Variants in EXOC6B observed in about 807,000 individuals in gnomAD.
EXOC6B encodes the protein SEC15 homolog B.
Under a neutral mutation model 113.5 loss-of-function variants are expected in EXOC6B, and 54 were observed. The ratio of observed to expected loss-of-function variants is 0.48; its 90% CI spans 0.38 to 0.60. EXOC6B has a LOEUF of 0.60. Ranked by LOEUF, EXOC6B falls within the 20% of genes least tolerant of loss-of-function variation. EXOC6B has a pLI of 0.00. For synonymous variants in EXOC6B, 357 were observed against 339.0 expected (o/e 1.05, Z -0.58); for missense variants, 797 against 977.5 (o/e 0.82, Z 2.46).
At chr2:72,477,352 A>C (rs1698812348) in intron 17 of EXOC6B, among the ~76,000 whole-genome samples, 1 of 152,172 alleles carries the variant, frequency 6.6e-6, no homozygotes. Flanking sequence ...TTTTGGAACT[A>C]TCTTTGACTC....
chr2:72,323,634 A>T (rs1687968068), intron 20 of EXOC6B, among the ~76,000 whole-genome samples: 1 of 152,170 alleles, frequency 6.6e-6, no homozygotes, highest in South Asian at 2.1e-4. Context: ...GCACATATAC[A>T]CCATGGAATA....
rs112965996 is a variant in EXOC6B at position 72,555,341 on chromosome 2, C to T, written c.915+4112G>A. Among the ~76,000 whole-genome samples, 8 of 152,240 alleles carry T rather than the reference C, an allele frequency of 5.3e-5. 1 individual carries two copies. The highest frequency in any genetic ancestry group is 1.9e-4 in the African/African-American group (8 of 41,538). On this transcript the variant is annotated intron_variant, in intron 8 of 21. Transcript: ENST00000272427. ...TTAAGGAATTGCCACACTGTCTTCC[C>T]CAATGGTTGAACTAATTTACACTTC...
intron 8 of EXOC6B, among the ~76,000 whole-genome samples, chr2:72,555,087 A>G (rs969165452): frequency 2.3e-4 from 35 of 152,184 alleles, no homozygotes; most frequent in Non-Finnish European, 3.4e-4. Context: ...ACATGAACTC[A>G]TGCTTTTTTA....
chr2:72,777,078 T>C (rs1158927078), intron 1 of EXOC6B, among the ~76,000 whole-genome samples: 1 of 151,850 alleles, frequency 6.6e-6, no homozygotes, highest in Non-Finnish European at 1.5e-5. Flanking sequence ...CCATCTCTAA[T>C]AAAAATACAA....
At chr2:72,275,286 T>A (rs1684746060) in intron 20 of EXOC6B, among the ~76,000 whole-genome samples, 1 of 152,096 alleles carries the variant, frequency 6.6e-6, no homozygotes, top group Non-Finnish European at 1.5e-5. Flanking sequence ...TGCTGTAGGG[T>A]TTTACCTACC....
chr2:72,507,174 T>C (rs1459213700), intron 11 of EXOC6B, among the ~76,000 whole-genome samples: 3 of 152,248 alleles, frequency 2.0e-5, no homozygotes, highest in African/African-American at 4.8e-5. Flanking sequence ...TAGACACATT[T>C]GATAAATAAT....
chr2:72,433,982 G>A (rs996641799), intron 18 of EXOC6B, among the ~76,000 whole-genome samples: 14 of 152,034 alleles, frequency 9.2e-5, no homozygotes, highest in East Asian at 5.8e-4. Flanking sequence ...GTCTTGTGCC[G>A]GTTTTCAAAG....
chr2:72,628,616 G>T (rs1573514016), intron 6 of EXOC6B, among the ~76,000 whole-genome samples: 1 of 152,120 alleles, frequency 6.6e-6, no homozygotes, highest in South Asian at 2.1e-4. Context: ...TCATGAATAG[G>T]ATTAATGCCT....
chr2:72,656,842 T>G (rs1674613715), intron 6 of EXOC6B, among the ~76,000 whole-genome samples: 1 of 152,132 alleles, frequency 6.6e-6, no homozygotes, highest in Non-Finnish European at 1.5e-5. Flanking sequence ...ATTTATAACT[T>G]CACTTATTTT....
At chr2:72,583,772 G>A (rs1705374079) in intron 6 of EXOC6B, among the ~76,000 whole-genome samples, 1 of 151,992 alleles carries the variant, frequency 6.6e-6, no homozygotes, top group Non-Finnish European at 1.5e-5. Context: ...CCAGGCTGGA[G>A]TGCAGTGGCA....
At chr2:72,764,006 G>A (rs902475271) in intron 1 of EXOC6B, among the ~76,000 whole-genome samples, 101 of 152,130 alleles carry the variant, frequency 6.6e-4, no homozygotes, top group African/African-American at 2.4e-3. Context: ...TTGAGCCCAG[G>A]AGGTCAAGGC....
intron 1 of EXOC6B, among the ~76,000 whole-genome samples, chr2:72,793,368 T>C (rs1451933101): frequency 1.3e-5 from 2 of 152,208 alleles, no homozygotes; most frequent in Non-Finnish European, 2.9e-5. Flanking sequence ...GCATTTAATA[T>C]AGAGTAACTT....
rs1336981504 is a variant in EXOC6B at position 72,826,014 on chromosome 2, C to T, written c.-104G>A. On this transcript the variant is annotated 5_prime_UTR_variant, in exon 1 of 22. Coordinates refer to ENST00000272427, the MANE Select transcript of EXOC6B (RefSeq NM_015189.3). ...ACAGGCTCCACAGCCGCCCCAGCCT[C>T]TGGCTACCCGCAGGCCGACCCCTCC... 6.7e-7 allele frequency: 1 copy of T among 1,497,270 alleles called. No individual in the cohort carries two copies. The highest frequency in any genetic ancestry group is 1.4e-5 in the African/African-American group (1 of 72,328). The allele number at this position is 1,497,270 out of a possible 1,614,324, so 92.7% of individuals were successfully genotyped here.
intron 21 of EXOC6B, among the ~76,000 whole-genome samples, 190 bp downstream of exon 21, chr2:72,183,885 A>G (rs1177229357): frequency 6.6e-6 from 1 of 152,182 alleles, no homozygotes; most frequent in Non-Finnish European, 1.5e-5. Context: ...TCAGGAATTA[A>G]TAAGCCACAG....
chr2:72,272,123 G>A (rs764215199), intron 20 of EXOC6B, among the ~76,000 whole-genome samples: 1 of 152,150 alleles, frequency 6.6e-6, no homozygotes, highest in Non-Finnish European at 1.5e-5. Flanking sequence ...TATCAGGGAG[G>A]TAAAAAAGTG....
At chr2:72,503,484 A>T (rs1700437499) in intron 11 of EXOC6B, among the ~76,000 whole-genome samples, 1 of 152,094 alleles carries the variant, frequency 6.6e-6, no homozygotes, top group Non-Finnish European at 1.5e-5. Flanking sequence ...TCATTTAGCA[A>T]TATGCATTTA....
intron 14 of EXOC6B, 94 bp from the exon 15 acceptor site, chr2:72,495,633 A>G: frequency 2.8e-6 from 2 of 717,486 alleles, no homozygotes; most frequent in East Asian, 2.8e-5. Context: ...ACATTCTTTC[A>G]CATTGTGAAT....
intron 18 of EXOC6B, among the ~76,000 whole-genome samples, chr2:72,422,174 C>T (rs1225592692): frequency 6.6e-6 from 1 of 152,222 alleles, no homozygotes. Flanking sequence ...CTCCAGGGTG[C>T]CCAGTCCCAT....
At chr2:72,451,009 T>C (rs1234640060) in intron 18 of EXOC6B, among the ~76,000 whole-genome samples, 1 of 152,164 alleles carries the variant, frequency 6.6e-6, no homozygotes, top group Non-Finnish European at 1.5e-5. Flanking sequence ...CACAATTACT[T>C]GTACCCTAGG....
Sources: gnomAD v4.1 joint callset for allele counts (sites outside exome capture counted in the v4.1 genomes callset) on GRCh38, gnomAD v4.1.1 for gene constraint, MANE v1.5 for transcripts, NCBI Gene and HGNC (gene_info 2026-07-23, HGNC 2026-07-21) for gene names.